The following COL4A4 variants were observed in gnomAD, a reference collection of about 807,000 sequenced individuals.
The protein encoded by COL4A4 is collagen alpha-4(IV) chain.
COL4A4 carries 105 observed loss-of-function variants against 192.9 expected under a neutral mutation model. The observed-to-expected ratio is 0.54, with a 90% CI of 0.46 to 0.64. The LOEUF (loss-of-function observed/expected upper bound fraction) is 0.64. Among genes scored for constraint, COL4A4 ranks in the 30% least tolerant of loss-of-function variants. The pLI is 0.00. For missense variants in COL4A4, 1,967 were observed against 2,169.3 expected (o/e 0.91, Z 1.85); for synonymous variants, 762 against 769.9 (o/e 0.99, Z 0.17).
At position 227,110,953 on chromosome 2, in the gene COL4A4, T is replaced by C. The variant is rs571414064; in HGVS notation, c.594+725A>G. On this transcript the variant is annotated intron_variant, in intron 9 of 47. Transcript: ENST00000396625. ...CCTTGGCCTCCCAAAGTGCTGGGATTACAGGCATGAGCCACCACGCCTGGC... is the reference window on the plus strand; with the variant it reads ...CCTTGGCCTCCCAAAGTGCTGGGATCACAGGCATGAGCCACCACGCCTGGC... Among the ~76,000 whole-genome samples, 20 of 152,314 alleles carry C rather than the reference T, an allele frequency of 1.3e-4. No individual in the cohort carries two copies. The East Asian group carries it at 3.9e-3, about 29-fold the overall frequency.
intron 25 of COL4A4, among the ~76,000 whole-genome samples, chr2:227,072,831 C>T (rs192208599): frequency 2.6e-5 from 4 of 151,932 alleles, no homozygotes; most frequent in South Asian, 4.2e-4. Context: ...AAAAAGCATT[C>T]GACAAAATCC....
At chr2:227,136,379 G>A (rs1268878159) in intron 4 of COL4A4, among the ~76,000 whole-genome samples, 1 of 152,144 alleles carries the variant, frequency 6.6e-6, no homozygotes, top group Non-Finnish European at 1.5e-5. Flanking sequence ...AGTGCAAGTT[G>A]GAAGGCACTC....
chr2:226,998,132 C>T (rs1361956626), downstream of COL4A4: 1 of 152,156 alleles, frequency 6.6e-6, no homozygotes, highest in Non-Finnish European at 1.5e-5. Context: ...CTTAAGCGAC[C>T]TTTTAATGCA....
chr2:227,077,824 C>A, intron 25 of COL4A4, 70 bp downstream of exon 25: 2 of 1,376,710 alleles, frequency 1.5e-6, no homozygotes, highest in Admixed American at 3.9e-5. Context: ...CTATATAATT[C>A]TTCCACATAA....
chr2:227,083,235 T>A (rs1442006187), intron 22 of COL4A4, among the ~76,000 whole-genome samples: 3 of 151,862 alleles, frequency 2.0e-5, no homozygotes, highest in Non-Finnish European at 2.9e-5. Context: ...TGTCAAAAAA[T>A]ATATATATAT....
At position 227,147,570 on chromosome 2, in the gene COL4A4, G is replaced by T; in HGVS notation, c.-87C>A. On this transcript the variant is annotated 5_prime_UTR_variant, in exon 2 of 48. Transcript: ENST00000396625. ...TTGACAAGTGAGGTTCTGTGTTCTG[G>T]GTCAAAGTCTGTTCCTGTTAGATAT... is the stretch of plus-strand genomic sequence containing the variant. 2 of 1,146,574 alleles carry T rather than the reference G, an allele frequency of 1.7e-6. No individual in the cohort carries two copies. The highest frequency in any genetic ancestry group is 2.6e-6 in the Non-Finnish European group (2 of 761,332). The allele number at this position is 1,146,574 out of a possible 1,614,324, so 71.0% of individuals were successfully genotyped here.
At chr2:227,098,940 C>G (rs1296844070) in intron 18 of COL4A4, 142 bp from the exon 19 acceptor site, 1 of 692,740 alleles carries the variant, frequency 1.4e-6, no homozygotes, top group Non-Finnish European at 2.5e-6. Flanking sequence ...AACGAAATAT[C>G]TTAAATGTGA....
chr2:227,076,442 G>A (rs2059028967), intron 25 of COL4A4, among the ~76,000 whole-genome samples: 1 of 152,158 alleles, frequency 6.6e-6, no homozygotes, highest in Non-Finnish European at 1.5e-5. Context: ...GCCATATGCA[G>A]AAAGCAGAAA....
In COL4A4 at chr2:227,147,368, AGAAATTAC is replaced by A. The variant is rs2063617008; in HGVS notation, c.71+37_71+44del. 2.6e-6 allele frequency: 4 copies of A among 1,550,694 alleles called. No individual in the cohort carries two copies. In the African/African-American group the frequency reaches 4.1e-5, roughly 16 times the overall value. On this transcript the variant is annotated intron_variant, in intron 2 of 47. Coordinates refer to ENST00000396625, the MANE Select transcript of COL4A4 (RefSeq NM_000092.5). ...TACATCCATAGAACAAACATTGAGT[AGAAATTAC>A]TAAATAAAAGCAGGCAATCACACTG...
At chr2:227,153,596 TA>T (rs2064115127) in intron 1 of COL4A4, among the ~76,000 whole-genome samples, 1 of 151,986 alleles carries the variant, frequency 6.6e-6, no homozygotes, top group African/African-American at 2.4e-5. Flanking sequence ...ATGAGGATAG[TA>T]CAGACAGAAT....
At chr2:227,106,125 GT>G (rs60278194) in intron 12 of COL4A4, among the ~76,000 whole-genome samples, 1 of 148,106 alleles carries the variant, frequency 6.8e-6, no homozygotes, top group African/African-American at 2.5e-5. Context: ...TGTCTGTTTT[GT>G]TTTTTTTTCC....
intron 31 of COL4A4, 53 bp downstream of exon 31, chr2:227,054,541 T>C (rs1343727120): frequency 1.2e-6 from 2 of 1,601,174 alleles, no homozygotes; most frequent in Non-Finnish European, 1.7e-6. Flanking sequence ...CATTTCTAGG[T>C]TTGGATCAAA....
At chr2:227,105,848 C>T (rs1473744502) in intron 12 of COL4A4, among the ~76,000 whole-genome samples, 1 of 152,132 alleles carries the variant, frequency 6.6e-6, no homozygotes, top group East Asian at 1.9e-4. Context: ...TTCCTTACTT[C>T]CTTGAAACCT....
chr2:227,033,016 T>C (rs926804906), intron 38 of COL4A4, among the ~76,000 whole-genome samples: 3 of 152,244 alleles, frequency 2.0e-5, no homozygotes, highest in Non-Finnish European at 4.4e-5. Flanking sequence ...AAAAGGATGC[T>C]ATTAGTACTA....
At chr2:227,073,478 T>A (rs1314716808) in intron 25 of COL4A4, among the ~76,000 whole-genome samples, 5 of 152,050 alleles carry the variant, frequency 3.3e-5, no homozygotes, top group African/African-American at 1.2e-4. Flanking sequence ...TCAAAAGTAA[T>A]CTACAGATTC....
intron 20 of COL4A4, among the ~76,000 whole-genome samples, chr2:227,092,082 C>T (rs72969775): frequency 0.02 from 3,039 of 152,066 alleles, 115 homozygotes; most frequent in East Asian, 0.18. Flanking sequence ...AAAAGAGCTC[C>T]TATGAGCTTC....
chr2:227,136,543 G>A (rs1420098883), intron 4 of COL4A4, among the ~76,000 whole-genome samples: 1 of 152,182 alleles, frequency 6.6e-6, no homozygotes, highest in Non-Finnish European at 1.5e-5. Flanking sequence ...GCAGTACAGT[G>A]ATGGGGCTGG....
chr2:227,060,343 A>G, intron 26 of COL4A4, 100 bp from the exon 27 acceptor site: 1 of 822,876 alleles, frequency 1.2e-6, no homozygotes, highest in Non-Finnish European at 2.0e-6. Context: ...TCCTTTTAGA[A>G]TATTTCTACT....
chr2:226,977,073 C>G, the COL4A4 span, among the ~76,000 whole-genome samples: 5 of 152,158 alleles, frequency 3.3e-5, no homozygotes, highest in Non-Finnish European at 5.9e-5. Flanking sequence ...AGCCACTGCT[C>G]TCATGAATGC....
Sources: allele counts gnomAD v4.1 joint callset (sites outside exome capture counted in the v4.1 genomes callset), GRCh38; gene constraint gnomAD v4.1.1; transcripts MANE v1.5; gene names NCBI Gene and HGNC (gene_info 2026-07-23, HGNC 2026-07-21).